AGBL4: variants seen among roughly 807,000 people sequenced by gnomAD.
The protein encoded by AGBL4 is AGBL carboxypeptidase 4.
Under a neutral mutation model 66.4 loss-of-function variants are expected in AGBL4, and 58 were observed. That is an observed-to-expected ratio of 0.87 (90% confidence interval 0.71 to 1.09). The LOEUF is 1.09. AGBL4 is among the 50% of genes least tolerant of loss of function. The pLI is 0.00. For missense variants in AGBL4, 579 were observed against 631.0 expected (o/e 0.92, Z 0.88); for synonymous variants, 234 against 222.9 (o/e 1.05, Z -0.44).
intron 2 of AGBL4, among the ~76,000 whole-genome samples, chr1:49,708,570 A>T (rs1471698937): frequency 1.3e-5 from 2 of 152,094 alleles, no homozygotes; most frequent in East Asian, 1.9e-4. Context: ...CATCAAACTC[A>T]TTCTCCATCC....
chr1:49,932,985 C>T (rs560525363), intron 1 of AGBL4, among the ~76,000 whole-genome samples: 3 of 152,124 alleles, frequency 2.0e-5, no homozygotes, highest in East Asian at 1.9e-4. Flanking sequence ...AGACCAAAAA[C>T]GTCAGAAAGC....
intron 1 of AGBL4, among the ~76,000 whole-genome samples, chr1:49,874,174 T>A (rs1321559579): frequency 1.3e-5 from 2 of 151,864 alleles, no homozygotes; most frequent in African/African-American, 4.8e-5. Flanking sequence ...GAAAAAAAAA[T>A]GAACCTTATC....
chr1:48,893,579 G>A (rs1651193457), intron 5 of AGBL4, among the ~76,000 whole-genome samples: 1 of 152,002 alleles, frequency 6.6e-6, no homozygotes, highest in South Asian at 2.1e-4. Context: ...CAGCTACTCG[G>A]GAGGCTGAGG....
At chr1:49,487,437 T>C (rs1397530096) in intron 3 of AGBL4, among the ~76,000 whole-genome samples, 1 of 151,870 alleles carries the variant, frequency 6.6e-6, no homozygotes, top group African/African-American at 2.4e-5. Flanking sequence ...GTGGAGGTAA[T>C]TGAATCATGG....
chr1:48,691,423 A>G (rs1646630528), intron 6 of AGBL4, among the ~76,000 whole-genome samples: 1 of 152,102 alleles, frequency 6.6e-6, no homozygotes, highest in Admixed American at 6.6e-5. Context: ...ATCAGGGAAG[A>G]CTTTCAGGAG....
chr1:49,257,276 G>T (rs1652598978), intron 3 of AGBL4: 2 of 152,254 alleles, frequency 1.3e-5, no homozygotes, highest in South Asian at 4.1e-4. Context: ...CCCCAGAGGT[G>T]GAGCCTACAG....
At chr1:48,955,233 T>C (rs1278356246) in intron 5 of AGBL4, among the ~76,000 whole-genome samples, 1 of 152,218 alleles carries the variant, frequency 6.6e-6, no homozygotes, top group Non-Finnish European at 1.5e-5. Context: ...TTGGGAGGGA[T>C]ATCAAGGTGA....
intron 2 of AGBL4, among the ~76,000 whole-genome samples, chr1:49,732,386 C>G (rs1649524027): frequency 6.6e-6 from 1 of 152,038 alleles, no homozygotes; most frequent in Non-Finnish European, 1.5e-5. Context: ...TAATTCTCAA[C>G]AAAAATTTAA....
At chr1:48,732,610 T>C (rs1444569108) in intron 6 of AGBL4, among the ~76,000 whole-genome samples, 1 of 151,904 alleles carries the variant, frequency 6.6e-6, no homozygotes, top group Non-Finnish European at 1.5e-5. Flanking sequence ...GGCACGCAGA[T>C]CAGGAGCAAG....
chr1:48,660,388 T>C (rs1199909821), intron 7 of AGBL4, among the ~76,000 whole-genome samples: 1 of 152,160 alleles, frequency 6.6e-6, no homozygotes, highest in Non-Finnish European at 1.5e-5. Flanking sequence ...CCAGTTAATG[T>C]GGAAGAGTTA....
At chr1:49,961,201 G>T (rs1219114600) in intron 1 of AGBL4, among the ~76,000 whole-genome samples, 1 of 152,012 alleles carries the variant, frequency 6.6e-6, no homozygotes, top group Non-Finnish European at 1.5e-5. Context: ...AGCCTTCTTT[G>T]TACACTTATT....
intron 6 of AGBL4, chr1:48,727,813 T>C: frequency 1.4e-6 from 2 of 1,444,708 alleles, no homozygotes; most frequent in Non-Finnish European, 1.9e-6. Context: ...GGGGTCTGAT[T>C]TGGACGGCAC....
At chr1:49,492,987 C>T (rs1570859596) in intron 3 of AGBL4, among the ~76,000 whole-genome samples, 1 of 151,886 alleles carries the variant, frequency 6.6e-6, no homozygotes, top group African/African-American at 2.4e-5. Context: ...CTTCACATGG[C>T]AGCAGCAAGA....
chr1:49,811,314 A>G (rs771948753), intron 2 of AGBL4, among the ~76,000 whole-genome samples: 1 of 152,168 alleles, frequency 6.6e-6, no homozygotes, highest in African/African-American at 2.4e-5. Flanking sequence ...CCATTTCTGC[A>G]TATCTACAAC....
At chr1:49,194,270 T>A (rs1290259057) in intron 4 of AGBL4, among the ~76,000 whole-genome samples, 1 of 39,150 alleles carries the variant, frequency 2.6e-5, no homozygotes, top group Non-Finnish European at 5.6e-5. Flanking sequence ...TATACTGACC[T>A]TTCTTGTCTT....
intron 8 of AGBL4, among the ~76,000 whole-genome samples, chr1:48,642,386 GC>G (rs1645771774): frequency 6.6e-6 from 1 of 152,094 alleles, no homozygotes; most frequent in African/African-American, 2.4e-5. Context: ...GCTTTAGAGT[GC>G]CTTCTCCCTT....
rs200800782 is a variant in AGBL4 at position 49,333,174 on chromosome 1, T to TATA, written c.283-87313_283-87311dup. Among the ~76,000 whole-genome samples, 1,311 of 151,276 alleles carry TATA rather than the reference T, an allele frequency of 8.7e-3. 9 individuals carry two copies. Among genetic ancestry groups the TATA allele is most frequent in the Middle Eastern group, 0.031 (9 of 292 alleles). ...TGCACATGTGTCCCAGAACTTAAAG[T>TATA]ATAATAATAATAATAATAATAAAGG... On this transcript the variant is annotated intron_variant, in intron 3 of 13. Coordinates refer to ENST00000371839, the MANE Select transcript of AGBL4 (RefSeq NM_032785.4).
intron 3 of AGBL4, among the ~76,000 whole-genome samples, chr1:49,642,653 C>T (rs957622568): frequency 6.6e-6 from 1 of 151,804 alleles, no homozygotes; most frequent in Non-Finnish European, 1.5e-5. Context: ...GATGAAAAAC[C>T]GTTCCTGTCC....
chr1:49,789,021 T>C (rs1022417767), intron 2 of AGBL4, among the ~76,000 whole-genome samples: 27 of 152,224 alleles, frequency 1.8e-4, no homozygotes, highest in African/African-American at 4.3e-4. Flanking sequence ...ATTCCATCAA[T>C]ACCTAGTTTA....
Sources: allele counts gnomAD v4.1 joint callset (sites outside exome capture counted in the v4.1 genomes callset), GRCh38; gene constraint gnomAD v4.1.1; transcripts MANE v1.5; gene names NCBI Gene and HGNC (gene_info 2026-07-23, HGNC 2026-07-21).